Variants in TEK observed in about 807,000 individuals in gnomAD.
The protein encoded by TEK is TEK receptor tyrosine kinase, also known as angiopoietin-1 receptor.
A neutral mutation model predicts 131.8 loss-of-function variants in TEK; 43 were observed. That is an observed-to-expected ratio of 0.33 (90% CI 0.26 to 0.42). TEK has a LOEUF of 0.42. Ranked by LOEUF, TEK falls within the 10% of genes least tolerant of loss-of-function variation. The probability of loss-of-function intolerance (pLI) is 1.00; values close to 1 mark genes in which losing one functional copy is unlikely to be tolerated. For synonymous variants in TEK, 580 were observed against 491.6 expected, an observed-to-expected ratio of 1.18 and a Z score of -2.38; for missense variants, 1,162 against 1,384.4, an observed-to-expected ratio of 0.84 and a Z score of 2.55.
At chr9:27,178,143 T>C (rs556363555) in intron 6 of TEK, among the ~76,000 whole-genome samples, 1 of 152,232 alleles carries the variant, frequency 6.6e-6, no homozygotes, top group African/African-American at 2.4e-5. Flanking sequence ...GTTTTGAATA[T>C]AATGAGATGA....
At chr9:27,171,895 A>G (rs1823973267) in intron 4 of TEK, among the ~76,000 whole-genome samples, 1 of 152,092 alleles carries the variant, frequency 6.6e-6, no homozygotes, top group Non-Finnish European at 1.5e-5. Flanking sequence ...CCTTTATTTC[A>G]TTTAGCTAGT....
At chr9:27,226,017 A>G (rs1490787836) in intron 21 of TEK, among the ~76,000 whole-genome samples, 1 of 152,260 alleles carries the variant, frequency 6.6e-6, no homozygotes, top group Non-Finnish European at 1.5e-5. Context: ...AATGCATATC[A>G]AAACCACAAT....
intron 21 of TEK, among the ~76,000 whole-genome samples, chr9:27,227,507 AG>A: frequency 6.6e-6 from 1 of 152,316 alleles, no homozygotes; most frequent in East Asian, 1.9e-4. Flanking sequence ...ACAGTTCTGA[AG>A]GCTGGGAAAT....
chr9:27,206,510 A>G (rs186169168), intron 14 of TEK, 72 bp from the exon 15 acceptor site: 2 of 1,497,314 alleles, frequency 1.3e-6, no homozygotes, highest in Non-Finnish European at 1.8e-6. Flanking sequence ...GTGGATGCCA[A>G]CCAGAAGACA....
At chr9:27,173,905 G>A (rs1824064604) in intron 6 of TEK, among the ~76,000 whole-genome samples, 1 of 150,020 alleles carries the variant, frequency 6.7e-6, no homozygotes, top group African/African-American at 2.5e-5. Context: ...ACTCCAGCCT[G>A]GGCAACAGAG....
Position 27,192,638 on chromosome 9 carries a change from A to C in TEK, c.1624+15A>C. The stretch of plus-strand genomic sequence containing the variant: ...AGCTTCTATCGGTCAGTGGAAGCCA[A>C]CAGGCATTTATTCATGAGCTGGGTG... On this transcript the variant is annotated intron_variant, in intron 11 of 22. Coordinates refer to ENST00000380036, the MANE Select transcript of TEK (RefSeq NM_000459.5). 6.5e-7 allele frequency: 1 copy of C among 1,529,240 alleles called. No homozygotes were observed. Among genetic ancestry groups the C allele is most frequent in the South Asian group, 1.1e-5 (1 of 90,148 alleles). 94.7% of individuals were successfully genotyped at this position (1,529,240 alleles called of 1,614,324 possible). A position where few individuals can be genotyped will look rare whatever the true frequency, so the allele number is the denominator to read the frequency against.
chr9:27,198,784 A>G (rs1825115306), intron 12 of TEK, among the ~76,000 whole-genome samples: 1 of 152,148 alleles, frequency 6.6e-6, no homozygotes, highest in Non-Finnish European at 1.5e-5. Flanking sequence ...TGTTAAGTAT[A>G]TTTTAATTTA....
At chr9:27,176,937 G>A (rs538133559) in intron 6 of TEK, among the ~76,000 whole-genome samples, 76 of 152,300 alleles carry the variant, frequency 5.0e-4, no homozygotes, top group Non-Finnish European at 8.2e-4. Context: ...AGATCTTACA[G>A]TATTGGTCTT....
chr9:27,158,238 T>C, intron 2 of TEK, 96 bp downstream of exon 2: 1 of 1,358,674 alleles, frequency 7.4e-7, no homozygotes, highest in South Asian at 1.2e-5. Context: ...GGGCATGCAC[T>C]ACCTGAATGT....
chr9:27,223,611 T>G (rs542743763), intron 21 of TEK, among the ~76,000 whole-genome samples: 3 of 152,238 alleles, frequency 2.0e-5, no homozygotes, highest in African/African-American at 7.2e-5. Flanking sequence ...GGGACACATT[T>G]AAAGCAGTGT....
chr9:27,157,700 C>T, intron 1 of TEK, 131 bp from the exon 2 acceptor site: 2 of 1,097,704 alleles, frequency 1.8e-6, no homozygotes, highest in East Asian at 4.7e-5. Context: ...GGAAGATAGG[C>T]ACATGGTCAG....
chr9:27,172,983 C>G (rs1305572022), intron 5 of TEK, among the ~76,000 whole-genome samples: 2 of 151,978 alleles, frequency 1.3e-5, no homozygotes, highest in African/African-American at 4.8e-5. Flanking sequence ...AATGCTGCCC[C>G]CTAGGTTTGT....
chr9:27,139,310 A>G (rs116203998), intron 1 of TEK, among the ~76,000 whole-genome samples: 15,468 of 140,200 alleles, frequency 0.11, 1,212 homozygotes, highest in South Asian at 0.18. Context: ...TATTTGGAAG[A>G]CAGCTTTAAC....
intron 21 of TEK, among the ~76,000 whole-genome samples, chr9:27,222,404 A>G (rs759644775): frequency 1.4e-3 from 213 of 152,298 alleles, no homozygotes; most frequent in Non-Finnish European, 9.8e-4. Context: ...CCCAAGACAC[A>G]TAAATCGTTA....
intron 12 of TEK, among the ~76,000 whole-genome samples, chr9:27,200,428 C>T (rs1400642307): frequency 6.6e-6 from 1 of 152,052 alleles, no homozygotes; most frequent in East Asian, 1.9e-4. Context: ...CACTGGGAGT[C>T]GACTTGCCTT....
rs866317117 is a variant in TEK at position 27,176,376 on chromosome 9, G to A, written c.901+3014G>A. ...ACACTTTGCCAGGAAGAAAGTTCTAGTGTATTCTAGAAACTAAAAAAATCA... is the reference window on the plus strand; with the variant it reads ...ACACTTTGCCAGGAAGAAAGTTCTAATGTATTCTAGAAACTAAAAAAATCA... On this transcript the variant is annotated intron_variant, in intron 6 of 22. Coordinates refer to ENST00000380036, the MANE Select transcript of TEK (RefSeq NM_000459.5). 2.6e-5 allele frequency among the ~76,000 whole-genome samples: 4 copies of A among 152,264 alleles called. No individual in the cohort carries two copies. The Middle Eastern group carries it at 0.014, about 518-fold the overall frequency.
intron 21 of TEK, among the ~76,000 whole-genome samples, chr9:27,225,226 T>G (rs1010947029): frequency 3.3e-5 from 5 of 152,158 alleles, no homozygotes; most frequent in African/African-American, 1.2e-4. Flanking sequence ...CTTCACAGAA[T>G]TAGATAAAAC....
intron 14 of TEK, 53 bp downstream of exon 14, chr9:27,205,118 AACCTTC>A: frequency 6.2e-7 from 1 of 1,607,932 alleles, no homozygotes; most frequent in South Asian, 1.1e-5. Context: ...GTACAGGCAG[AACCTTC>A]ACTTTAAAGA....
chr9:27,228,771 T>C (rs1178443578), intron 22 of TEK, among the ~76,000 whole-genome samples: 1 of 152,092 alleles, frequency 6.6e-6, no homozygotes, highest in Non-Finnish European at 1.5e-5. Context: ...TTTAAAGAAA[T>C]AGTCATCAAA....
Sources: gnomAD v4.1 joint callset for allele counts (sites outside exome capture counted in the v4.1 genomes callset) on GRCh38, gnomAD v4.1.1 for gene constraint, MANE v1.5 for transcripts, NCBI Gene and HGNC (gene_info 2026-07-23, HGNC 2026-07-21) for gene names.